Variants in SLC35F3 observed in about 807,000 individuals in gnomAD.
SLC35F3 encodes solute carrier family 35 member F3.
SLC35F3 carries 25 observed loss-of-function variants against 49.9 expected under a neutral mutation model. That is an observed-to-expected ratio of 0.50 (90% CI 0.37 to 0.70). The LOEUF (loss-of-function observed/expected upper bound fraction) is 0.70. Among genes scored for constraint, SLC35F3 ranks in the 30% least tolerant of loss-of-function variants. The pLI is 0.00. For missense variants in SLC35F3, 525 were observed against 639.8 expected (o/e 0.82, Z 1.94); for synonymous variants, 275 against 265.4 (o/e 1.04, Z -0.35).
chr1:234,264,466 A>G (rs755752911), intron 3 of SLC35F3, among the ~76,000 whole-genome samples: 10 of 152,208 alleles, frequency 6.6e-5, no homozygotes, highest in Non-Finnish European at 1.2e-4. Context: ...CTACACCACT[A>G]TGGATGAGCT....
intron 2 of SLC35F3, among the ~76,000 whole-genome samples, chr1:233,967,979 A>G (rs995122456): frequency 1.2e-4 from 19 of 152,348 alleles, no homozygotes; most frequent in African/African-American, 4.3e-4. Flanking sequence ...CCATAAACCA[A>G]GTACCACAAA....
chr1:233,927,977 A>T (rs1473082098), intron 2 of SLC35F3, among the ~76,000 whole-genome samples: 1 of 152,204 alleles, frequency 6.6e-6, no homozygotes, highest in Non-Finnish European at 1.5e-5. Flanking sequence ...TATGGAAAAG[A>T]TTCAGAATGA....
chr1:234,233,166 C>T (rs1198016722), intron 3 of SLC35F3, among the ~76,000 whole-genome samples: 1 of 152,106 alleles, frequency 6.6e-6, no homozygotes, highest in African/African-American at 2.4e-5. Context: ...ATCATTAGCA[C>T]CCAAGATTGT....
chr1:234,022,875 C>T (rs1413955877), intron 2 of SLC35F3, among the ~76,000 whole-genome samples: 1 of 152,136 alleles, frequency 6.6e-6, no homozygotes, highest in Non-Finnish European at 1.5e-5. Context: ...GCCAATCCTG[C>T]CTCTGACCAG....
At chr1:234,219,944 G>C (rs1053484132) in intron 2 of SLC35F3, among the ~76,000 whole-genome samples, 4 of 152,248 alleles carry the variant, frequency 2.6e-5, no homozygotes, top group African/African-American at 9.6e-5. Flanking sequence ...AGCTAGGAGA[G>C]GGTGGCGCTG....
intron 3 of SLC35F3, among the ~76,000 whole-genome samples, chr1:234,298,381 A>G (rs573214296): frequency 5.9e-5 from 9 of 152,316 alleles, no homozygotes; most frequent in African/African-American, 1.4e-4. Flanking sequence ...TGGTAAGCCA[A>G]TGAAAGTTTT....
At chr1:234,140,279 T>A (rs1344283698) in intron 2 of SLC35F3, among the ~76,000 whole-genome samples, 1 of 152,182 alleles carries the variant, frequency 6.6e-6, no homozygotes, top group African/African-American at 2.4e-5. Flanking sequence ...AGGCATTTAA[T>A]CATCTCGCAT....
chr1:234,249,446 A>G (rs1667701368), intron 3 of SLC35F3, among the ~76,000 whole-genome samples: 1 of 152,066 alleles, frequency 6.6e-6, no homozygotes, highest in African/African-American at 2.4e-5. Context: ...ATGGGTCTGA[A>G]CAGATTCCTT....
At chr1:234,238,703 G>A (rs1667511821) in intron 3 of SLC35F3, among the ~76,000 whole-genome samples, 1 of 152,032 alleles carries the variant, frequency 6.6e-6, no homozygotes, top group Admixed American at 6.6e-5. Context: ...CTACAGACAA[G>A]TTCAGAATAT....
chr1:234,108,733 A>G (rs1270258440), intron 2 of SLC35F3, among the ~76,000 whole-genome samples: 1 of 81,672 alleles, frequency 1.2e-5, no homozygotes, highest in Non-Finnish European at 2.1e-5. Flanking sequence ...ATAAATATAT[A>G]TATCTTTTAT....
Position 234,214,674 on chromosome 1 carries a change from G to T in SLC35F3, c.284-16743G>T, listed in dbSNP as rs1052623334. 7.8e-6 allele frequency: 11 copies of T among 1,402,290 alleles called. No individual in the cohort carries two copies. Among genetic ancestry groups the T allele is most frequent in the Middle Eastern group, 1.9e-4 (1 of 5,392 alleles). 86.9% of individuals were successfully genotyped at this position (1,402,290 alleles called of 1,614,324 possible). ...CTGGCTGCGGGGCGCCGGGGCTGGG[G>T]GTACTGCTCCCCCAGGACGCGGCTC... is the stretch of plus-strand genomic sequence containing the variant. On this transcript the variant is annotated intron_variant, in intron 2 of 7. Coordinates refer to ENST00000366618, the MANE Select transcript of SLC35F3 (RefSeq NM_173508.4). The surrounding 1 kb of genome is among the most constrained non-coding windows in gnomAD (Gnocchi z 8.0).
intron 2 of SLC35F3, among the ~76,000 whole-genome samples, chr1:234,194,124 AG>A (rs1160741134): frequency 8.2e-6 from 1 of 121,694 alleles, no homozygotes; most frequent in Non-Finnish European, 2.1e-5. Context: ...CCAGAGGAAA[AG>A]AAGTCATTAT....
chr1:234,109,532 C>T (rs1424053761), intron 2 of SLC35F3, among the ~76,000 whole-genome samples: 2 of 152,144 alleles, frequency 1.3e-5, no homozygotes, highest in African/African-American at 2.4e-5. Flanking sequence ...TTTCTCTGTG[C>T]GGTTGACTTC....
chr1:234,099,193 G>A lies in SLC35F3; in HGVS notation c.284-132224G>A, dbSNP rs114752915. On this transcript the variant is annotated intron_variant, in intron 2 of 7. Transcript: ENST00000366618. ...GGAGGTCCAAGTCTGTTATTGGCGT[G>A]CTGAAACTTAAACTACCATAGTTTA... Among the ~76,000 whole-genome samples, 830 of 152,262 alleles carry A rather than the reference G, an allele frequency of 5.5e-3. 5 individuals are homozygous for A. The highest frequency in any genetic ancestry group is 0.019 in the African/African-American group (792 of 41,542).
intron 3 of SLC35F3, among the ~76,000 whole-genome samples, chr1:234,293,990 C>T (rs1668551090): frequency 6.6e-6 from 1 of 152,320 alleles, no homozygotes; most frequent in South Asian, 2.1e-4. Context: ...CGTTATGTCT[C>T]TTCAGTTTGA....
chr1:234,065,644 A>T (rs1164673576), intron 2 of SLC35F3, among the ~76,000 whole-genome samples: 3 of 152,216 alleles, frequency 2.0e-5, no homozygotes, highest in African/African-American at 7.2e-5. Flanking sequence ...ATCATGTCCC[A>T]CTTTGGTGGG....
chr1:233,976,181 T>C (rs1663077034), intron 2 of SLC35F3, among the ~76,000 whole-genome samples: 1 of 152,236 alleles, frequency 6.6e-6, no homozygotes, highest in African/African-American at 2.4e-5. Flanking sequence ...TTAAGTAGCC[T>C]GGCTCTTTAT....
intron 7 of SLC35F3, among the ~76,000 whole-genome samples, chr1:234,321,697 G>C (rs183482462): frequency 3.4e-4 from 52 of 152,254 alleles, no homozygotes; most frequent in African/African-American, 1.1e-3. Context: ...AAGGTTTAAT[G>C]ATGAGTCCAG....
At chr1:234,245,824 C>T (rs143095630) in intron 3 of SLC35F3, among the ~76,000 whole-genome samples, 148 of 152,342 alleles carry the variant, frequency 9.7e-4, no homozygotes, top group African/African-American at 3.5e-3. Flanking sequence ...GGTAATCACA[C>T]TGCGTTCATG....
Sources: allele counts gnomAD v4.1 joint callset (sites outside exome capture counted in the v4.1 genomes callset), GRCh38; gene constraint gnomAD v4.1.1; non-coding constraint Gnocchi (gnomAD v3.1); transcripts MANE v1.5; gene names NCBI Gene and HGNC (gene_info 2026-07-23, HGNC 2026-07-21).